The following KCTD20 variants were observed in gnomAD, a reference collection of about 807,000 sequenced individuals.
KCTD20 encodes the protein potassium channel tetramerization domain containing 20.
Under a neutral mutation model 39.6 loss-of-function variants are expected in KCTD20, and 30 were observed. That is an observed-to-expected ratio of 0.76 (90% CI 0.57 to 1.03). The LOEUF (loss-of-function observed/expected upper bound fraction) is 1.03. KCTD20 is among the 50% of genes least tolerant of loss of function. The probability of loss-of-function intolerance (pLI) is 0.00; values close to 1 mark genes in which losing one functional copy is unlikely to be tolerated. For synonymous variants in KCTD20, 162 were observed against 180.6 expected (o/e 0.90, Z 0.83); for missense variants, 422 against 522.0 (o/e 0.81, Z 1.87).
chr6:36,479,830 C>T (rs982428512), intron 5 of KCTD20, 119 bp downstream of exon 5: 15 of 819,952 alleles, frequency 1.8e-5, no homozygotes, highest in East Asian at 4.4e-5. Context: ...CTCGCTCTGT[C>T]GCCGAGGCTG....
At chr6:36,470,969 G>A (rs568345459) in intron 2 of KCTD20, among the ~76,000 whole-genome samples, 212 of 152,218 alleles carry the variant, frequency 1.4e-3, no homozygotes, top group African/African-American at 4.9e-3. Context: ...GGCCAATGTG[G>A]CGAAACCCCC....
At chr6:36,449,384 GC>G (rs1232999031) in intron 1 of KCTD20, among the ~76,000 whole-genome samples, 8 of 151,006 alleles carry the variant, frequency 5.3e-5, no homozygotes, top group African/African-American at 2.0e-4. Context: ...TAGACACAGA[GC>G]GCTGATTGAT....
At chr6:36,443,362 G>C (rs1582284566) in intron 1 of KCTD20, 1 of 152,358 alleles carries the variant, frequency 6.6e-6, no homozygotes, top group South Asian at 2.1e-4. Flanking sequence ...GCGACGCTGC[G>C]CCCAGGTGGT....
At position 36,488,594 on chromosome 6, in the gene KCTD20, G is replaced by GA. The variant is rs1413618101; in HGVS notation, c.*1421dup. 2 of 152,148 alleles carry GA rather than the reference G, an allele frequency of 1.3e-5. No homozygotes were observed. The highest frequency in any genetic ancestry group is 4.8e-5 in the African/African-American group (2 of 41,446). 9.4% of individuals were successfully genotyped at this position (152,148 alleles called of 1,614,324 possible). A position where few individuals can be genotyped will look rare whatever the true frequency, so the allele number is the denominator to read the frequency against. On this transcript the variant is annotated 3_prime_UTR_variant, in exon 8 of 8. Coordinates refer to ENST00000373731, the MANE Select transcript of KCTD20 (RefSeq NM_173562.5). ...AGGTTTCAGATTTTTTCAGATTTTG[G>GA]AATACTTAACAGTTGAGCACCCCAA...
At chr6:36,486,850 G>C (rs776334095) in intron 7 of KCTD20, 33 bp from the exon 8 acceptor site, 7 of 1,567,920 alleles carry the variant, frequency 4.5e-6, no homozygotes, top group South Asian at 3.4e-5. Flanking sequence ...AGCACAATTT[G>C]TTAGTCATGA....
At position 36,487,109 on chromosome 6, in the gene KCTD20, A is replaced by G; in HGVS notation, c.1194A>G (p.Gln398=). Residue 398 remains glutamine, a synonymous_variant, in exon 8 of 8, where the codon CAA becomes CAG. Transcript: ENST00000373731. ...AGATATTAATGCATCACCCACCCCA[A>G]GTGGATGAACTTGACCGGCTAAATG... ...DQEILMHHPP[Q]VDELDRLNAP... 6.2e-7 allele frequency: 1 copy of G among 1,614,114 alleles called. No homozygotes were observed. Among genetic ancestry groups the G allele is most frequent in the Non-Finnish European group, 8.5e-7 (1 of 1,179,984 alleles).
chr6:36,484,561 G>A (rs1397405556), intron 6 of KCTD20, among the ~76,000 whole-genome samples, 153 bp from the exon 7 acceptor site: 4 of 151,950 alleles, frequency 2.6e-5, no homozygotes, highest in East Asian at 3.9e-4. Flanking sequence ...TTTCTCTTAC[G>A]GTTTATGTAT....
intron 7 of KCTD20, 95 bp downstream of exon 7, chr6:36,484,919 A>C: frequency 1.5e-6 from 1 of 652,296 alleles, no homozygotes; most frequent in Admixed American, 2.6e-5. Context: ...CCTAGAAAAT[A>C]GGCATACATG....
Position 36,467,318 on chromosome 6 carries a change from A to ATTTT in KCTD20, c.-46-2699_-46-2696dup, listed in dbSNP as rs775332647. Among the ~76,000 whole-genome samples the ATTTT allele has an allele frequency of 1.3e-4, 4 of 29,850 alleles. 1 individual carries two copies. Among genetic ancestry groups the ATTTT allele is most frequent in the African/African-American group, 5.3e-4 (4 of 7,478 alleles). The allele number at this position is 29,850 out of a possible 152,430, so 19.6% of individuals were successfully genotyped here. On this transcript the variant is annotated intron_variant, in intron 1 of 7. Coordinates refer to ENST00000373731, the MANE Select transcript of KCTD20 (RefSeq NM_173562.5). ...TGAAAGACTCCGAAAATCCTTCAGG[A>ATTTT]TTTTTTTTTTTTTTTTTTTTTTTTT...
At chr6:36,466,557 T>G (rs1262682275) in intron 1 of KCTD20, among the ~76,000 whole-genome samples, 2 of 151,730 alleles carry the variant, frequency 1.3e-5, no homozygotes, top group Admixed American at 6.6e-5. Context: ...AATTTTTAAA[T>G]TTTTTTTAGA....
intron 3 of KCTD20, 67 bp downstream of exon 3, chr6:36,475,129 C>T (rs1776026255): frequency 1.3e-6 from 2 of 1,493,118 alleles, no homozygotes; most frequent in African/African-American, 1.4e-5. Context: ...TGCTGTTTAT[C>T]TTGCATTAGA....
At chr6:36,455,741 C>G (rs1775414980) in intron 1 of KCTD20, among the ~76,000 whole-genome samples, 1 of 152,158 alleles carries the variant, frequency 6.6e-6, no homozygotes, top group Admixed American at 6.5e-5. Context: ...GGCAGGACCT[C>G]TAGGATAGGA....
At chr6:36,467,319 T>A (rs1040332251) in intron 1 of KCTD20, among the ~76,000 whole-genome samples, 8 of 4,636 alleles carry the variant, frequency 1.7e-3, no homozygotes, top group Admixed American at 7.0e-3. Context: ...TCCTTCAGGA[T>A]TTTTTTTTTT....
At chr6:36,449,745 AC>A (rs927695831) in intron 1 of KCTD20, among the ~76,000 whole-genome samples, 4 of 152,158 alleles carry the variant, frequency 2.6e-5, no homozygotes, top group Admixed American at 2.6e-4. Context: ...ATTAGGGCCC[AC>A]CTTAATGACT....
chr6:36,452,532 CT>C (rs905225411), intron 1 of KCTD20: 3 of 141,188 alleles, frequency 2.1e-5, no homozygotes, highest in Non-Finnish European at 4.6e-5. Context: ...TAGTGTGCAT[CT>C]TCATTTTCTT....
At position 36,484,802 on chromosome 6, in the gene KCTD20, A is replaced by G. The variant is rs1233553845; in HGVS notation, c.945A>G (p.Lys315=). The change falls in exon 7 of 8, where the codon AAA becomes AAG. Residue 315 remains lysine (K), a synonymous_variant. Transcript: ENST00000373731. ...CAGTGTTAAAGGAACGGGGCCTAAA[A>G]AACATTCGCATTGGAATTGAAGGTA... is the stretch of plus-strand genomic sequence containing the variant. ...AKTVLKERGL[K]NIRIGIEGYP... is the part of the protein sequence containing the mutation. The G allele has an allele frequency of 1.9e-6, 3 of 1,600,934 alleles. No individual in the cohort carries two copies. Among genetic ancestry groups the G allele is most frequent in the Middle Eastern group, 1.7e-4 (1 of 6,034 alleles).
Position 36,469,520 on chromosome 6 carries a change from GA to G in KCTD20, c.-46-528del, listed in dbSNP as rs1439731645. ...CATAAGGTATACAAAGTGAAAGAGA[GA>G]AAAGGGGAGATAAAAAGGAGAACTT... On this transcript the variant is annotated intron_variant, in intron 1 of 7. Coordinates refer to ENST00000373731, the MANE Select transcript of KCTD20 (RefSeq NM_173562.5). The surrounding 1 kb of genome is among the most constrained non-coding windows in gnomAD (Gnocchi z 4.6). 6.7e-6 allele frequency among the ~76,000 whole-genome samples: 1 copy of G among 148,736 alleles called. No individual in the cohort carries two copies. Among genetic ancestry groups the G allele is most frequent in the African/African-American group, 2.5e-5 (1 of 40,156 alleles).
chr6:36,454,416 A>G (rs1337666175), intron 1 of KCTD20, among the ~76,000 whole-genome samples: 8 of 150,310 alleles, frequency 5.3e-5, no homozygotes, highest in Non-Finnish European at 2.9e-5. Context: ...ATCTCAGCTC[A>G]CTGCAACCTC....
At position 36,479,154 on chromosome 6, in the gene KCTD20, T is replaced by C; in HGVS notation, c.468T>C (p.Thr156=). ...GACCAGGAAGAGAGTACAACTTCACTCGGCCCAATGAGAAGGGAGAGTATG... is the reference window on the plus strand; with the variant it reads ...GACCAGGAAGAGAGTACAACTTCACCCGGCCCAATGAGAAGGGAGAGTATG... ...MFGPGREYNF[T]RPNEKGEYEI... Residue 156 remains threonine (T), a synonymous_variant, in exon 4 of 8, where the codon ACT becomes ACC. Transcript: ENST00000373731. 1 of 1,613,846 alleles carries C rather than the reference T, an allele frequency of 6.2e-7. No homozygotes were observed.
Sources: allele counts gnomAD v4.1 joint callset (sites outside exome capture counted in the v4.1 genomes callset), GRCh38; gene constraint gnomAD v4.1.1; non-coding constraint Gnocchi (gnomAD v3.1); transcripts MANE v1.5; gene names NCBI Gene and HGNC (gene_info 2026-07-23, HGNC 2026-07-21).